Variants in MBOAT2 observed in about 807,000 individuals in gnomAD.
The protein encoded by MBOAT2 is membrane-bound glycerophospholipid O-acyltransferase 2.
Under a neutral mutation model 63.4 loss-of-function variants are expected in MBOAT2, and 28 were observed. The ratio of observed to expected loss-of-function variants is 0.44; its 90% CI spans 0.33 to 0.61. MBOAT2 has a LOEUF of 0.61. Among genes scored for constraint, MBOAT2 ranks in the 20% least tolerant of loss-of-function variants. MBOAT2 has a pLI of 0.03. For missense variants in MBOAT2, 470 were observed against 605.8 expected (o/e 0.78, Z 2.35); for synonymous variants, 211 against 215.6 (o/e 0.98, Z 0.19).
chr2:8,869,804 G>C (rs1014459722), intron 8 of MBOAT2, among the ~76,000 whole-genome samples: 10 of 152,134 alleles, frequency 6.6e-5, no homozygotes, highest in Non-Finnish European at 1.5e-4. Context: ...TGGCTGCTGG[G>C]GAACTCCTTC....
intron 4 of MBOAT2, among the ~76,000 whole-genome samples, chr2:8,895,289 GATTGGTCCATTTTACAGAGTGCTA>G (rs1664363671): frequency 3.3e-5 from 5 of 152,142 alleles, no homozygotes; most frequent in African/African-American, 1.2e-4. Context: ...ACAGAGTGCT[GATTGGTCCATTTTACAGAGTGCTA>G]ATTGGTCCGT....
chr2:8,880,683 G>A (rs1247325805), intron 6 of MBOAT2, among the ~76,000 whole-genome samples: 8 of 152,204 alleles, frequency 5.3e-5, no homozygotes, highest in African/African-American at 1.9e-4. Context: ...GGCAGAGGAT[G>A]CAGCAGAAGA....
intron 1 of MBOAT2, among the ~76,000 whole-genome samples, chr2:8,971,314 C>T (rs1333462656): frequency 6.6e-6 from 1 of 152,230 alleles, no homozygotes; most frequent in East Asian, 1.9e-4. Context: ...CAAAATTCAA[C>T]AGCCCTTCGT....
At chr2:8,917,890 T>TA (rs1401938828) in intron 3 of MBOAT2, among the ~76,000 whole-genome samples, 1 of 152,174 alleles carries the variant, frequency 6.6e-6, no homozygotes. Context: ...TACAATGGAA[T>TA]AAAAAGGAAC....
At chr2:8,885,062 G>A (rs2148545202) in intron 5 of MBOAT2, among the ~76,000 whole-genome samples, 1 of 152,286 alleles carries the variant, frequency 6.6e-6, no homozygotes, top group African/African-American at 2.4e-5. Flanking sequence ...GGGTAGTCCA[G>A]TGATTCTACT....
Position 8,873,249 on chromosome 2 carries a change from A to C in MBOAT2, c.742T>G (p.Leu248Val). The C allele has an allele frequency of 1.2e-6, 2 of 1,614,222 alleles. No individual in the cohort carries two copies. Among genetic ancestry groups the C allele is most frequent in the South Asian group, 1.1e-5 (1 of 91,080 alleles). Residue 248 changes from leucine to valine, a missense_variant, in exon 8 of 13, where the codon TTG becomes GTG. By Grantham distance (32) the Leu-to-Val change is conservative. Transcript: ENST00000305997. ...LVCGLSLLFHLTICTTLPVEY... is the reference protein window; with the variant it reads ...LVCGLSLLFHVTICTTLPVEY... ...ACAGGTAATGTTGTACAGATGGTCAAGTGAAATAACAAGGACAGCCCACAA... is the reference window on the plus strand; with the variant it reads ...ACAGGTAATGTTGTACAGATGGTCACGTGAAATAACAAGGACAGCCCACAA...
rs527976459 is a variant in MBOAT2, at chr2:8,866,564, G to T, written c.987+1882C>A. On this transcript the variant is annotated intron_variant, in intron 9 of 12. Coordinates refer to ENST00000305997, the MANE Select transcript of MBOAT2 (RefSeq NM_138799.4). ...TCAGAATATATGTCCAATAAATAAA[G>T]ACTTTTTAAAAGACCATGATCAAAC... 7.2e-5 allele frequency among the ~76,000 whole-genome samples: 11 copies of T among 152,234 alleles called. 1 individual carries two copies. In the South Asian group the frequency reaches 2.3e-3, roughly 32 times the overall value.
At chr2:8,904,491 T>G (rs771335350) in intron 4 of MBOAT2, among the ~76,000 whole-genome samples, 13 of 151,888 alleles carry the variant, frequency 8.6e-5, no homozygotes, top group Non-Finnish European at 1.8e-4. Context: ...TTAAATTTTT[T>G]GTAGAGATGG....
intron 6 of MBOAT2, 142 bp from the exon 7 acceptor site, chr2:8,877,355 A>G: frequency 1.3e-6 from 1 of 778,970 alleles, no homozygotes; most frequent in Non-Finnish European, 2.0e-6. Context: ...TAAGAATTTT[A>G]AGGATCAGAA....
chr2:8,959,172 T>C (rs1669441365), intron 1 of MBOAT2, among the ~76,000 whole-genome samples: 1 of 152,152 alleles, frequency 6.6e-6, no homozygotes, highest in African/African-American at 2.4e-5. Flanking sequence ...TACTGCGGCC[T>C]AAACATCACC....
intron 9 of MBOAT2, among the ~76,000 whole-genome samples, chr2:8,865,802 C>A (rs921977817): frequency 2.6e-5 from 4 of 152,140 alleles, no homozygotes; most frequent in Non-Finnish European, 4.4e-5. Context: ...TTTGGGAGGC[C>A]GAGGTGGGTA....
chr2:8,872,316 C>T (rs1460051781), intron 8 of MBOAT2, among the ~76,000 whole-genome samples: 3 of 152,186 alleles, frequency 2.0e-5, no homozygotes, highest in Non-Finnish European at 4.4e-5. Context: ...CTCACTCTGT[C>T]GCTCAGGCTG....
intron 2 of MBOAT2, among the ~76,000 whole-genome samples, chr2:8,944,980 T>C (rs1433521734): frequency 6.6e-6 from 1 of 152,066 alleles, no homozygotes; most frequent in African/African-American, 2.4e-5. Context: ...TTGAGGACTC[T>C]TGGGGGAAAA....
intron 4 of MBOAT2, among the ~76,000 whole-genome samples, chr2:8,904,626 A>G (rs1665200641): frequency 6.6e-6 from 1 of 152,140 alleles, no homozygotes; most frequent in Non-Finnish European, 1.5e-5. Context: ...ACTGAGTTTT[A>G]TTATTCAAAC....
chr2:8,892,346 G>A (rs1664064602), intron 4 of MBOAT2, among the ~76,000 whole-genome samples: 1 of 151,974 alleles, frequency 6.6e-6, no homozygotes, highest in Admixed American at 6.6e-5. Flanking sequence ...AACCAAACAA[G>A]ATCCACTGAC....
chr2:8,962,537 T>C (rs1056905307), intron 1 of MBOAT2, among the ~76,000 whole-genome samples: 1 of 152,308 alleles, frequency 6.6e-6, no homozygotes, highest in African/African-American at 2.4e-5. Flanking sequence ...CTATCTGCAA[T>C]GTTCCAGAAA....
chr2:8,864,858 TC>T (rs1439838557), intron 9 of MBOAT2, among the ~76,000 whole-genome samples: 3 of 152,138 alleles, frequency 2.0e-5, no homozygotes, highest in African/African-American at 7.2e-5. Flanking sequence ...CCTATGTAAC[TC>T]TCTCCTCCTC....
rs531135073 is a variant in MBOAT2 at position 8,977,853 on chromosome 2, A to G, written c.76-19211T>C. The stretch of plus-strand genomic sequence containing the variant: ...ATCACACTTCAACCAAAACCTTGCA[A>G]TCAACCTCTGACTGCTCATCTCCTG... On this transcript the variant is annotated intron_variant, in intron 1 of 12. Coordinates refer to ENST00000305997, the MANE Select transcript of MBOAT2 (RefSeq NM_138799.4). 6.8e-4 allele frequency among the ~76,000 whole-genome samples: 104 copies of G among 152,162 alleles called. 2 individuals carry two copies. Among genetic ancestry groups the G allele is most frequent in the African/African-American group, 2.4e-3 (101 of 41,518 alleles).
chr2:9,001,409 T>G (rs1672681211), intron 1 of MBOAT2, among the ~76,000 whole-genome samples: 2 of 152,154 alleles, frequency 1.3e-5, no homozygotes, highest in Non-Finnish European at 2.9e-5. Context: ...CACAAACACA[T>G]GAGTAATGCG....
Sources: gnomAD v4.1 joint callset for allele counts (sites outside exome capture counted in the v4.1 genomes callset) on GRCh38, gnomAD v4.1.1 for gene constraint, MANE v1.5 for transcripts, NCBI Gene and HGNC (gene_info 2026-07-23, HGNC 2026-07-21) for gene names.